AFF3: variants seen among roughly 807,000 people sequenced by gnomAD.
AFF3 encodes AF4/FMR2 family member 3.
AFF3 carries 32 observed loss-of-function variants against 129.7 expected under a neutral mutation model. The observed-to-expected ratio is 0.25, with a 90% confidence interval of 0.19 to 0.33. The LOEUF is 0.33. Among genes scored for constraint, AFF3 ranks in the 10% least tolerant of loss-of-function variants. AFF3 has a pLI of 1.00. For synonymous variants in AFF3, 644 were observed against 635.4 expected, an observed-to-expected ratio of 1.01 and a Z score of -0.20; for missense variants, 1,373 against 1,592.0, an observed-to-expected ratio of 0.86 and a Z score of 2.34.
intron 7 of AFF3, among the ~76,000 whole-genome samples, chr2:99,902,193 A>G (rs982283750): frequency 2.6e-5 from 4 of 152,078 alleles, no homozygotes; most frequent in East Asian, 3.9e-4. Flanking sequence ...AAAACAGTAT[A>G]AACTTTAATA....
At chr2:99,764,070 C>T (rs994946794) in intron 8 of AFF3, among the ~76,000 whole-genome samples, 2 of 152,194 alleles carry the variant, frequency 1.3e-5, no homozygotes, top group Admixed American at 6.5e-5. Flanking sequence ...TGCAGACTGA[C>T]AAGTACGAAA....
chr2:99,812,643 C>T lies in AFF3; in HGVS notation c.921+24834G>A, dbSNP rs140723103. On this transcript the variant is annotated intron_variant, in intron 8 of 24. Transcript: ENST00000672756. ...CCTTTCTTAATTGTCTAACGCAATTCCCACTAGATGCATAAATTGCAGTTC... is the reference window on the plus strand; with the variant it reads ...CCTTTCTTAATTGTCTAACGCAATTTCCACTAGATGCATAAATTGCAGTTC... Among the ~76,000 whole-genome samples the T allele has an allele frequency of 7.2e-3, 1,101 of 152,266 alleles. 4 individuals carry two copies. The highest frequency in any genetic ancestry group is 0.024 in the Middle Eastern group (7 of 294).
chr2:100,062,228 A>G lies in AFF3; in HGVS notation c.53+42174T>C, dbSNP rs554351808. Among the ~76,000 whole-genome samples the G allele has an allele frequency of 2.4e-4, 37 of 152,322 alleles. 1 individual carries two copies. The South Asian group carries it at 7.0e-3, about 29-fold the overall frequency. On this transcript the variant is annotated intron_variant, in intron 4 of 24. Coordinates refer to ENST00000672756, the MANE Select transcript of AFF3 (RefSeq NM_001386135.1). ...GAGCAAGGGAAGGCAAGGCTGCCAGAGTAAGGTGGCTGCAGTTGGAGGGGC... is the reference window on the plus strand; with the variant it reads ...GAGCAAGGGAAGGCAAGGCTGCCAGGGTAAGGTGGCTGCAGTTGGAGGGGC...
At chr2:99,833,012 A>C (rs1027685329) in intron 8 of AFF3, among the ~76,000 whole-genome samples, 3 of 152,246 alleles carry the variant, frequency 2.0e-5, no homozygotes, top group African/African-American at 4.8e-5. Context: ...CCAGCTCTGC[A>C]AATGACCCAA....
At chr2:99,603,825 C>CA (rs1680072979) in intron 13 of AFF3, among the ~76,000 whole-genome samples, 1 of 152,046 alleles carries the variant, frequency 6.6e-6, no homozygotes, top group Non-Finnish European at 1.5e-5. Flanking sequence ...AGGACATAAA[C>CA]AAACACTTCA....
intron 7 of AFF3, among the ~76,000 whole-genome samples, chr2:99,841,447 G>A (rs1488886836): frequency 6.6e-6 from 1 of 152,234 alleles, no homozygotes; most frequent in Non-Finnish European, 1.5e-5. Flanking sequence ...GGCGGCAGAG[G>A]TGAGGCCAGG....
intron 4 of AFF3, among the ~76,000 whole-genome samples, chr2:100,037,288 C>T (rs1415688654): frequency 1.3e-5 from 2 of 150,226 alleles, no homozygotes; most frequent in African/African-American, 4.9e-5. Flanking sequence ...GTTTACAATA[C>T]TAGTGAAAAT....
chr2:99,588,410 T>A (rs1678338590), intron 15 of AFF3, among the ~76,000 whole-genome samples: 1 of 152,196 alleles, frequency 6.6e-6, no homozygotes, highest in Non-Finnish European at 1.5e-5. Flanking sequence ...ACTCCTGGGC[T>A]CAAGCGATCC....
intron 4 of AFF3, among the ~76,000 whole-genome samples, chr2:100,044,403 T>C (rs1685672259): frequency 6.6e-6 from 1 of 152,172 alleles, no homozygotes. Context: ...ACACTGAACG[T>C]ATTCAGAATA....
chr2:100,059,345 G>A lies in AFF3; in HGVS notation c.53+45057C>T, dbSNP rs185502194. ...GAATGGCAAATAAGCACAGGAAAAG[G>A]TGTTCAACATCTTTAGTCTTTAAGG... On this transcript the variant is annotated intron_variant, in intron 4 of 24. Coordinates refer to ENST00000672756, the MANE Select transcript of AFF3 (RefSeq NM_001386135.1). Among the ~76,000 whole-genome samples the A allele has an allele frequency of 2.7e-5, 4 of 149,826 alleles. No individual in the cohort carries two copies. The East Asian group carries it at 7.9e-4, about 30-fold the overall frequency.
intron 7 of AFF3, among the ~76,000 whole-genome samples, chr2:99,934,704 G>T (rs1039274585): frequency 1.3e-5 from 2 of 152,210 alleles, no homozygotes; most frequent in African/African-American, 4.8e-5. Context: ...TTCCACCCTT[G>T]CTCAGCCCCT....
chr2:99,978,130 G>A (rs1252529637), intron 7 of AFF3, among the ~76,000 whole-genome samples: 1 of 152,204 alleles, frequency 6.6e-6, no homozygotes, highest in Non-Finnish European at 1.5e-5. Context: ...TTCAGGAGGA[G>A]AATTCCTATT....
intron 21 of AFF3, 89 bp from the exon 22 acceptor site, chr2:99,559,057 A>ATTGTTATTGAGTAC: frequency 8.8e-7 from 1 of 1,130,458 alleles, no homozygotes; most frequent in Non-Finnish European, 1.3e-6. Flanking sequence ...GTTCTAAGGT[A>ATTGTTATTGAGTAC]CTCAATAACA....
At chr2:99,752,365 T>A in intron 8 of AFF3, 64 bp from the exon 9 acceptor site, 1 of 1,420,438 alleles carries the variant, frequency 7.0e-7, no homozygotes, top group Non-Finnish European at 9.9e-7. Context: ...CAGCGGTATG[T>A]AAAGCAGCTG....
At chr2:99,569,112 G>A (rs1160882176) in intron 18 of AFF3, among the ~76,000 whole-genome samples, 197 bp from the exon 19 acceptor site, 1 of 152,000 alleles carries the variant, frequency 6.6e-6, no homozygotes, top group Non-Finnish European at 1.5e-5. Flanking sequence ...TTAGCAATTC[G>A]AAACACACTC....
At chr2:99,553,918 C>CAAAAAAAAAAAAAAAAAAA (rs61326965) in intron 24 of AFF3, among the ~76,000 whole-genome samples, 10 of 56,946 alleles carry the variant, frequency 1.8e-4, no homozygotes, top group East Asian at 5.7e-4. Flanking sequence ...TGTCTCAAAC[C>CAAAAAAAAAAAAAAAAAAA]AAAAAAAAAA....
chr2:99,559,256 A>ACCACGAGAGGGCGCTGTCTCT lies in AFF3; in HGVS notation c.3192-309_3192-289dup, dbSNP rs1465998358. Among the ~76,000 whole-genome samples, 805 of 152,322 alleles carry ACCACGAGAGGGCGCTGTCTCT rather than the reference A, an allele frequency of 5.3e-3. 3 individuals carry two copies. Among genetic ancestry groups the ACCACGAGAGGGCGCTGTCTCT allele is most frequent in the Middle Eastern group, 0.017 (5 of 294 alleles). On this transcript the variant is annotated intron_variant, in intron 21 of 24. Coordinates refer to ENST00000672756, the MANE Select transcript of AFF3 (RefSeq NM_001386135.1). ...CAGGGGCCGGCCGCTTCCTTCTTCCACCACGAGAGGGCGCTGTCTCTCCAC... is the reference window on the plus strand; with the variant it reads ...CAGGGGCCGGCCGCTTCCTTCTTCCACCACGAGAGGGCGCTGTCTCTCCACGAGAGGGCGCTGTCTCTCCAC...
At chr2:99,732,934 CTAA>C (rs1679949991) in intron 10 of AFF3, among the ~76,000 whole-genome samples, 3 of 152,076 alleles carry the variant, frequency 2.0e-5, no homozygotes, top group African/African-American at 7.2e-5. Context: ...TCTCTGAGCA[CTAA>C]TGAGGTAAAT....
intron 10 of AFF3, among the ~76,000 whole-genome samples, chr2:99,741,023 T>C (rs966290112): frequency 2.6e-5 from 4 of 152,232 alleles, no homozygotes; most frequent in Admixed American, 1.3e-4. Context: ...TACATATGGT[T>C]AGCCAGTTTT....
Sources: gnomAD v4.1 joint callset for allele counts (sites outside exome capture counted in the v4.1 genomes callset) on GRCh38, gnomAD v4.1.1 for gene constraint, MANE v1.5 for transcripts, NCBI Gene and HGNC (gene_info 2026-07-23, HGNC 2026-07-21) for gene names.